MYZAP: variants seen among roughly 807,000 people sequenced by gnomAD.
MYZAP encodes the protein myocardial zonula adherens protein.
MYZAP carries 66 observed loss-of-function variants against 69.4 expected under a neutral mutation model. The ratio of observed to expected loss-of-function variants is 0.95; its 90% CI spans 0.78 to 1.17. MYZAP has a LOEUF of 1.17. Among genes scored for constraint, MYZAP ranks in the 50% most tolerant of loss-of-function variants. MYZAP has a pLI of 0.00. For synonymous variants in MYZAP, 256 were observed against 205.9 expected, an observed-to-expected ratio of 1.24 and a Z score of -2.09; for missense variants, 611 against 556.2, an observed-to-expected ratio of 1.10 and a Z score of -0.99.
At chr15:57,648,365 T>G (rs1311380655) in intron 10 of MYZAP, 137 of 985,352 alleles carry the variant, frequency 1.4e-4, no homozygotes, top group Non-Finnish European at 1.6e-4. Flanking sequence ...GACTTTGAAC[T>G]GTTTCTCAGA....
At chr15:57,658,206 C>T (rs2038099633) in intron 10 of MYZAP, among the ~76,000 whole-genome samples, 1 of 152,114 alleles carries the variant, frequency 6.6e-6, no homozygotes, top group Non-Finnish European at 1.5e-5. Flanking sequence ...GCCATACTTG[C>T]TTTATCTACT....
intron 11 of MYZAP, among the ~76,000 whole-genome samples, chr15:57,671,851 C>T (rs2038883513): frequency 6.6e-6 from 1 of 152,108 alleles, no homozygotes; most frequent in Admixed American, 6.6e-5. Flanking sequence ...ATTCCAACAT[C>T]ATAGTTACAT....
At chr15:57,648,690 T>A (rs1255985273) in intron 10 of MYZAP, among the ~76,000 whole-genome samples, 1 of 152,118 alleles carries the variant, frequency 6.6e-6, no homozygotes, top group East Asian at 1.9e-4. Flanking sequence ...GGAAAAAAAT[T>A]TAAATTGCAA....
intron 1 of MYZAP, among the ~76,000 whole-genome samples, chr15:57,595,276 C>T (rs1250626281): frequency 6.6e-6 from 1 of 152,078 alleles, no homozygotes. Context: ...TGCCAACCAG[C>T]AGAAGTTGTG....
chr15:57,617,988 C>A, intron 2 of MYZAP, 45 bp from the exon 3 acceptor site: 2 of 1,591,772 alleles, frequency 1.3e-6, no homozygotes, highest in South Asian at 1.2e-5. Context: ...GTGCATGAGG[C>A]CTAAAGAGTC....
At chr15:57,650,304 C>T (rs2037664455) in intron 10 of MYZAP, among the ~76,000 whole-genome samples, 1 of 152,050 alleles carries the variant, frequency 6.6e-6, no homozygotes, top group Non-Finnish European at 1.5e-5. Context: ...GAGGAGGAGC[C>T]AGGTACAATT....
Position 57,684,623 on chromosome 15 carries a change from A to G in MYZAP, c.*125A>G. ...GTGTAAGCCGGAATGGGAATCGCTG[A>G]GGCTCTGATCCACTTCTAAGACAGG... On this transcript the variant is annotated 3_prime_UTR_variant, in exon 13 of 13. Coordinates refer to ENST00000267853, the MANE Select transcript of MYZAP (RefSeq NM_001018100.5). 1 of 665,880 alleles carries G rather than the reference A, an allele frequency of 1.5e-6. No homozygotes were observed. The highest frequency in any genetic ancestry group is 1.9e-5 in the South Asian group (1 of 53,724). The allele number at this position is 665,880 out of a possible 1,614,324, so 41.2% of individuals were successfully genotyped here. A position where few individuals can be genotyped will look rare whatever the true frequency, so the allele number is the denominator to read the frequency against.
At chr15:57,613,098 A>G (rs1485650771) in intron 2 of MYZAP, among the ~76,000 whole-genome samples, 1 of 151,480 alleles carries the variant, frequency 6.6e-6, no homozygotes, top group Admixed American at 6.6e-5. Context: ...CGCCTGGCTA[A>G]TTTTTTTGTA....
chr15:57,616,619 A>G (rs770164809), intron 2 of MYZAP, among the ~76,000 whole-genome samples: 1 of 151,766 alleles, frequency 6.6e-6, no homozygotes, highest in Non-Finnish European at 1.5e-5. Flanking sequence ...CTGGCGAGAG[A>G]GTGAGACTCT....
At chr15:57,642,505 A>T (rs2037218182) in intron 10 of MYZAP, among the ~76,000 whole-genome samples, 1 of 152,168 alleles carries the variant, frequency 6.6e-6, no homozygotes, top group Non-Finnish European at 1.5e-5. Context: ...AGTGTAGCGG[A>T]TGTTAAGGAC....
chr15:57,619,038 G>A (rs777083828), intron 3 of MYZAP, among the ~76,000 whole-genome samples: 1 of 152,160 alleles, frequency 6.6e-6, no homozygotes, highest in Admixed American at 6.5e-5. Flanking sequence ...AGTCACTTTT[G>A]CTCTGTGCAG....
chr15:57,650,872 A>C (rs1027117488), intron 10 of MYZAP, among the ~76,000 whole-genome samples: 2 of 152,240 alleles, frequency 1.3e-5, no homozygotes, highest in African/African-American at 4.8e-5. Flanking sequence ...GGGTGAGTTC[A>C]CAGAGCATTC....
At chr15:57,624,935 C>T (rs1323471401) in intron 4 of MYZAP, among the ~76,000 whole-genome samples, 1 of 152,164 alleles carries the variant, frequency 6.6e-6, no homozygotes, top group Non-Finnish European at 1.5e-5. Context: ...CTTCCACCCT[C>T]AGTCCTAACT....
At chr15:57,599,826 T>G in intron 1 of MYZAP, 1 of 625,644 alleles carries the variant, frequency 1.6e-6, no homozygotes, top group Non-Finnish European at 2.6e-6. Flanking sequence ...GGGGTTACTG[T>G]CCTTAGTGCT....
intron 7 of MYZAP, among the ~76,000 whole-genome samples, chr15:57,633,216 G>A (rs2036611865): frequency 6.6e-6 from 1 of 152,146 alleles, no homozygotes; most frequent in Non-Finnish European, 1.5e-5. Flanking sequence ...ATGAGCTGAT[G>A]TATTGCATTA....
chr15:57,613,812 G>A (rs2035265102), intron 2 of MYZAP, among the ~76,000 whole-genome samples: 1 of 152,150 alleles, frequency 6.6e-6, no homozygotes, highest in Non-Finnish European at 1.5e-5. Flanking sequence ...CATCCACGCT[G>A]TATAAGGAAA....
chr15:57,634,507 G>A (rs1430323307), intron 8 of MYZAP, among the ~76,000 whole-genome samples: 1 of 152,158 alleles, frequency 6.6e-6, no homozygotes, highest in Non-Finnish European at 1.5e-5. Context: ...ACTCATTCGG[G>A]ATGCCAAGAA....
At chr15:57,623,297 A>T (rs186573462) in intron 4 of MYZAP, among the ~76,000 whole-genome samples, 1 of 152,378 alleles carries the variant, frequency 6.6e-6, no homozygotes, top group Non-Finnish European at 1.5e-5. Context: ...ACAGATGTTT[A>T]GATCCTTTGA....
At chr15:57,679,004 C>T (rs1170581835) in intron 12 of MYZAP, among the ~76,000 whole-genome samples, 2 of 152,068 alleles carry the variant, frequency 1.3e-5, no homozygotes, top group East Asian at 1.9e-4. Context: ...TGGAGAAACC[C>T]CGTCTCTACT....
Sources: gnomAD v4.1 joint callset for allele counts (sites outside exome capture counted in the v4.1 genomes callset) on GRCh38, gnomAD v4.1.1 for gene constraint, MANE v1.5 for transcripts, NCBI Gene and HGNC (gene_info 2026-07-23, HGNC 2026-07-21) for gene names.